Variants in HMGN5 observed in about 807,000 individuals in gnomAD.
HMGN5 encodes high mobility group nucleosome binding domain 5.
A neutral mutation model predicts 9.5 loss-of-function variants in HMGN5; 4 were observed. The observed-to-expected ratio is 0.42, with a 90% CI of 0.21 to 0.96. HMGN5 has a LOEUF of 0.96. Ranked by LOEUF, HMGN5 falls within the 40% of genes least tolerant of loss-of-function variation. The pLI is 0.30. For synonymous variants in HMGN5, 55 were observed against 57.1 expected, an observed-to-expected ratio of 0.96 and a Z score of 0.16; for missense variants, 192 against 187.5, an observed-to-expected ratio of 1.02 and a Z score of -0.14.
intron 1 of HMGN5, among the ~76,000 whole-genome samples, chrX:81,171,936 C>A (rs900231260): frequency 1.8e-5 from 2 of 111,541 alleles, no homozygotes; most frequent in South Asian, 3.7e-4. Flanking sequence ...AGAATGTTCA[C>A]AAGAAACAAA....
intron 1 of HMGN5, among the ~76,000 whole-genome samples, chrX:81,179,918 T>C (rs983103196): frequency 2.7e-5 from 3 of 111,646 alleles, no homozygotes; most frequent in Non-Finnish European, 5.6e-5. Flanking sequence ...AACCATCTGA[T>C]CTTTGACAAA....
chrX:81,201,840 C>G lies in HMGN5; in HGVS notation c.-227G>C. On this transcript the variant is annotated 5_prime_UTR_variant, in exon 1 of 7. Coordinates refer to ENST00000358130, the MANE Select transcript of HMGN5 (RefSeq NM_030763.3). ...GCGTGAAAAGGTCCTTCATGCTAAT[C>G]TAATTCAATTCAGTTCTCCTTTTTC... 4.5e-6 allele frequency: 1 copy of G among 223,742 alleles called. No homozygotes were observed. Among genetic ancestry groups the G allele is most frequent in the Admixed American group, 6.8e-5 (1 of 14,644 alleles). The allele number at this position is 223,742 out of a possible 1,213,427, so 18.4% of individuals were successfully genotyped here.
chrX:81,169,115 G>A (rs2075418589), intron 1 of HMGN5, among the ~76,000 whole-genome samples: 1 of 111,549 alleles, frequency 9.0e-6, no homozygotes, highest in African/African-American at 3.3e-5. Flanking sequence ...AAGAGAACAA[G>A]GAACTGAAGG....
intron 1 of HMGN5, among the ~76,000 whole-genome samples, chrX:81,172,590 A>G (rs1390328450): frequency 1.8e-5 from 2 of 110,356 alleles, no homozygotes; most frequent in Non-Finnish European, 3.8e-5. Flanking sequence ...AGAAGGAAAC[A>G]GTGAATTTTT....
chrX:81,116,381 T>G, intron 5 of HMGN5, 40 bp from the exon 6 acceptor site: 3 of 971,344 alleles, frequency 3.1e-6, no homozygotes, highest in Non-Finnish European at 4.3e-6. Flanking sequence ...AATATACAAT[T>G]TAACTGCTGT....
chrX:81,145,316 C>A (rs781187607), intron 1 of HMGN5, among the ~76,000 whole-genome samples: 1 of 111,941 alleles, frequency 8.9e-6, no homozygotes, highest in Non-Finnish European at 1.9e-5. Context: ...TCAGCAGAAA[C>A]CCTAAAAGCC....
chrX:81,173,655 T>A (rs982408486), intron 1 of HMGN5, among the ~76,000 whole-genome samples: 1 of 112,369 alleles, frequency 8.9e-6, no homozygotes, highest in Non-Finnish European at 1.9e-5. Context: ...TATATACTAT[T>A]TTCTATAACA....
Position 81,189,510 on chromosome X carries a change from C to T in HMGN5, c.-124+12227G>A, listed in dbSNP as rs190960306. On this transcript the variant is annotated intron_variant, in intron 1 of 6. Coordinates refer to ENST00000358130, the MANE Select transcript of HMGN5 (RefSeq NM_030763.3). ...GTAGCCTTTTCAGACTAGCTTATTT[C>T]ACTTAATAGTAAGGATTTAAGTTTC... Among the ~76,000 whole-genome samples, 894 of 112,046 alleles carry T rather than the reference C, an allele frequency of 8.0e-3. 1 individual carries two copies. Among genetic ancestry groups the T allele is most frequent in the Non-Finnish European group, 0.014 (743 of 53,158 alleles).
At chrX:81,171,610 A>G (rs1215565403) in intron 1 of HMGN5, among the ~76,000 whole-genome samples, 2 of 112,032 alleles carry the variant, frequency 1.8e-5, no homozygotes, top group Non-Finnish European at 3.8e-5. Flanking sequence ...TTAATCACAC[A>G]TAGAAATATC....
At chrX:81,134,106 C>T (rs1281403985) in intron 1 of HMGN5, among the ~76,000 whole-genome samples, 1 of 111,085 alleles carries the variant, frequency 9.0e-6, no homozygotes, top group African/African-American at 3.3e-5. Context: ...AAAAGAGTGA[C>T]ACTAGAAAAC....
intron 1 of HMGN5, among the ~76,000 whole-genome samples, chrX:81,172,435 G>A (rs1212629600): frequency 9.1e-6 from 1 of 109,982 alleles, no homozygotes; most frequent in Non-Finnish European, 1.9e-5. Flanking sequence ...ATATTAAGGA[G>A]TGAACTAACA....
At position 81,115,031 on chromosome X, in the gene HMGN5, T is replaced by G; in HGVS notation, c.467A>C (p.Asp156Ala). The G allele has an allele frequency of 8.6e-7, 1 of 1,156,151 alleles. No individual in the cohort carries two copies. The highest frequency in any genetic ancestry group is 1.1e-6 in the Non-Finnish European group (1 of 869,829). ...ATTTCCATTTTTATCCTCTTTTCCA[T>G]CTTCTTCCCCTTTTTCATCTTTGTC... ...KEDKDEKGEE[D>A]GKEDKNGNEK... Residue 156 changes from aspartate (D) to alanine (A), a missense_variant, in exon 7 of 7, where the codon GAT becomes GCT. Asp to Ala is a moderately radical substitution (Grantham distance 126). Transcript: ENST00000358130.
intron 1 of HMGN5, among the ~76,000 whole-genome samples, chrX:81,175,296 T>C (rs1251295277): frequency 9.0e-6 from 1 of 111,128 alleles, no homozygotes; most frequent in Non-Finnish European, 1.9e-5. Context: ...TAAATAAATA[T>C]GGGAAACAGG....
At chrX:81,188,263 A>ATATTATTATTATTATTATTATTAT (rs558790724) in intron 1 of HMGN5, among the ~76,000 whole-genome samples, 1 of 86,975 alleles carries the variant, frequency 1.1e-5, no homozygotes, top group East Asian at 3.9e-4. Context: ...TGTGCACAGA[A>ATATTATTATTATTATTATTATTAT]TATTATTATT....
intron 1 of HMGN5, among the ~76,000 whole-genome samples, chrX:81,195,589 T>G (rs961155464): frequency 9.0e-5 from 10 of 111,604 alleles, no homozygotes; most frequent in African/African-American, 3.3e-4. Flanking sequence ...GGGTTTAAAA[T>G]TCCACCCTAT....
intron 1 of HMGN5, among the ~76,000 whole-genome samples, chrX:81,190,281 T>C (rs1262849182): frequency 3.6e-5 from 4 of 111,945 alleles, no homozygotes; most frequent in East Asian, 5.6e-4. Flanking sequence ...AGCTGAACTT[T>C]TAAATTTTAT....
chrX:81,137,245 T>G, intron 1 of HMGN5, among the ~76,000 whole-genome samples: 1 of 111,559 alleles, frequency 9.0e-6, no homozygotes, highest in Admixed American at 9.6e-5. Context: ...CTAATTTATA[T>G]AGATATAACA....
intron 1 of HMGN5, among the ~76,000 whole-genome samples, chrX:81,184,298 C>T (rs1032205797): frequency 9.0e-6 from 1 of 111,563 alleles, no homozygotes; most frequent in Non-Finnish European, 1.9e-5. Context: ...CTTGCTCCTG[C>T]TCTGGCCAAG....
chrX:81,140,294 C>T (rs2075324467), intron 1 of HMGN5, among the ~76,000 whole-genome samples: 1 of 111,363 alleles, frequency 9.0e-6, no homozygotes, highest in South Asian at 3.7e-4. Context: ...CGTGCGGTGA[C>T]TCACGCCTGT....
Sources: allele counts gnomAD v4.1 joint callset (sites outside exome capture counted in the v4.1 genomes callset), GRCh38; gene constraint gnomAD v4.1.1; transcripts MANE v1.5; gene names NCBI Gene and HGNC (gene_info 2026-07-23, HGNC 2026-07-21).